Variants in LDLRAD3 observed in about 807,000 individuals in gnomAD.
The protein encoded by LDLRAD3 is low density lipoprotein receptor class A domain containing 3.
LDLRAD3 carries 20 observed loss-of-function variants against 29.4 expected under a neutral mutation model. The observed-to-expected ratio is 0.68, with a 90% CI of 0.48 to 0.99. The LOEUF is 0.99. Among genes scored for constraint, LDLRAD3 ranks in the 50% least tolerant of loss-of-function variants. The pLI is 0.00. For missense variants in LDLRAD3, 420 were observed against 454.3 expected (o/e 0.92, Z 0.69); for synonymous variants, 157 against 192.7 (o/e 0.81, Z 1.53).
At chr11:36,136,244 T>A (rs1176656497) in intron 4 of LDLRAD3, among the ~76,000 whole-genome samples, 1 of 152,204 alleles carries the variant, frequency 6.6e-6, no homozygotes, top group Non-Finnish European at 1.5e-5. Flanking sequence ...GTGCACCAGA[T>A]GTTTCATATA....
intron 1 of LDLRAD3, among the ~76,000 whole-genome samples, chr11:35,996,801 T>C (rs1167386787): frequency 1.3e-5 from 2 of 152,222 alleles, no homozygotes; most frequent in African/African-American, 4.8e-5. Context: ...TTAACTGTTT[T>C]TGGTTAAATG....
intron 4 of LDLRAD3, among the ~76,000 whole-genome samples, chr11:36,218,553 G>A (rs921021154): frequency 2.6e-5 from 4 of 152,240 alleles, no homozygotes; most frequent in South Asian, 2.1e-4. Context: ...GAGAATGGAC[G>A]TGAGGTTAAG....
At chr11:36,188,322 T>C (rs1416994654) in intron 4 of LDLRAD3, among the ~76,000 whole-genome samples, 5 of 148,018 alleles carry the variant, frequency 3.4e-5, no homozygotes, top group African/African-American at 1.0e-4. Context: ...AAAGAATGGT[T>C]TTTTAAAGGG....
intron 4 of LDLRAD3, among the ~76,000 whole-genome samples, chr11:36,226,243 G>A (rs1164541258): frequency 6.6e-6 from 1 of 152,148 alleles, no homozygotes; most frequent in Non-Finnish European, 1.5e-5. Flanking sequence ...TTGCAGCCCA[G>A]AGAGGGTAAC....
At chr11:35,986,747 A>G (rs190404513) in intron 1 of LDLRAD3, among the ~76,000 whole-genome samples, 10 of 152,308 alleles carry the variant, frequency 6.6e-5, no homozygotes, top group African/African-American at 2.2e-4. Flanking sequence ...CATTCCATTG[A>G]CCCAAACTAG....
intron 1 of LDLRAD3, among the ~76,000 whole-genome samples, chr11:36,020,467 T>G (rs1314770728): frequency 1.3e-5 from 2 of 152,166 alleles, no homozygotes; most frequent in Non-Finnish European, 2.9e-5. Context: ...TTATAGTATT[T>G]TAGCACAGGG....
intron 4 of LDLRAD3, among the ~76,000 whole-genome samples, chr11:36,150,515 G>A (rs762063440): frequency 2.0e-5 from 3 of 151,298 alleles, no homozygotes; most frequent in South Asian, 2.1e-4. Flanking sequence ...GTGGTAGAGC[G>A]AGACCTTGTC....
chr11:36,094,287 T>G (rs924060734), intron 3 of LDLRAD3, among the ~76,000 whole-genome samples: 1 of 152,240 alleles, frequency 6.6e-6, no homozygotes, highest in Non-Finnish European at 1.5e-5. Context: ...GGCCCTGTTT[T>G]GCCTAGCACC....
At chr11:36,116,634 A>C (rs971821460) in intron 4 of LDLRAD3, among the ~76,000 whole-genome samples, 2 of 151,958 alleles carry the variant, frequency 1.3e-5, no homozygotes, top group African/African-American at 4.8e-5. Flanking sequence ...CTTCATTTCT[A>C]GTGATTGGCA....
At chr11:35,975,318 C>T (rs1851462189) in intron 1 of LDLRAD3, among the ~76,000 whole-genome samples, 3 of 152,282 alleles carry the variant, frequency 2.0e-5, no homozygotes, top group African/African-American at 7.2e-5. Flanking sequence ...GTCATTGCAA[C>T]TTGAAGATGT....
intron 1 of LDLRAD3, chr11:35,997,303 G>A: frequency 2.4e-6 from 1 of 415,564 alleles, no homozygotes; most frequent in Admixed American, 2.7e-5. Context: ...TGGTTTCAGA[G>A]AGTTCTCTGG....
chr11:36,109,153 A>G (rs1019265339), intron 4 of LDLRAD3, among the ~76,000 whole-genome samples: 1 of 152,200 alleles, frequency 6.6e-6, no homozygotes, highest in African/African-American at 2.4e-5. Flanking sequence ...AGAAGCCCCA[A>G]AGCTAGGGCT....
At chr11:35,983,711 A>G (rs1177902485) in intron 1 of LDLRAD3, among the ~76,000 whole-genome samples, 3 of 152,122 alleles carry the variant, frequency 2.0e-5, no homozygotes, top group Admixed American at 6.5e-5. Context: ...GCTCACTGCA[A>G]CCTCTGCCTC....
At chr11:36,142,928 G>T (rs1043857058) in intron 4 of LDLRAD3, among the ~76,000 whole-genome samples, 5 of 152,174 alleles carry the variant, frequency 3.3e-5, no homozygotes, top group Non-Finnish European at 7.3e-5. Context: ...GAACCCAGGG[G>T]AAAAGAGGCA....
At chr11:36,151,082 A>G (rs1854271950) in intron 4 of LDLRAD3, among the ~76,000 whole-genome samples, 1 of 152,190 alleles carries the variant, frequency 6.6e-6, no homozygotes, top group East Asian at 1.9e-4. Flanking sequence ...CCCACCTTTC[A>G]GGCACACTTT....
chr11:36,070,886 C>T (rs993117407), intron 2 of LDLRAD3, among the ~76,000 whole-genome samples: 3 of 152,040 alleles, frequency 2.0e-5, no homozygotes, highest in Admixed American at 6.6e-5. Flanking sequence ...TTGTCAAGGT[C>T]CTTAGTCAAA....
rs141027525 is a variant in LDLRAD3, at chr11:35,950,901, G to A, written c.46+6757G>A. Among the ~76,000 whole-genome samples, 595 of 152,194 alleles carry A rather than the reference G, an allele frequency of 3.9e-3. 5 individuals are homozygous for A. Among genetic ancestry groups the A allele is most frequent in the African/African-American group, 0.014 (565 of 41,512 alleles). On this transcript the variant is annotated intron_variant, in intron 1 of 5. Coordinates refer to ENST00000315571, the MANE Select transcript of LDLRAD3 (RefSeq NM_174902.4). ...GATCGAGACCATCCTGGCTAACATG[G>A]TGAAACCCCGTCTCTTCTAAAAATG...
intron 4 of LDLRAD3, among the ~76,000 whole-genome samples, chr11:36,192,234 C>CT (rs1854964411): frequency 1.3e-5 from 2 of 152,198 alleles, no homozygotes; most frequent in Admixed American, 1.3e-4. Flanking sequence ...TGTGACAGTA[C>CT]TTGCACTTTA....
At chr11:36,165,696 T>G (rs1194303662) in intron 4 of LDLRAD3, among the ~76,000 whole-genome samples, 2 of 152,002 alleles carry the variant, frequency 1.3e-5, no homozygotes, top group Non-Finnish European at 2.9e-5. Context: ...AAAAGGAAAT[T>G]ATTTATTTTC....
Sources: allele counts gnomAD v4.1 joint callset (sites outside exome capture counted in the v4.1 genomes callset), GRCh38; gene constraint gnomAD v4.1.1; transcripts MANE v1.5; gene names NCBI Gene and HGNC (gene_info 2026-07-23, HGNC 2026-07-21).